The following RIMS2 variants were observed in gnomAD, a reference collection of about 807,000 sequenced individuals.
RIMS2 encodes the protein regulating synaptic membrane exocytosis 2, also known as regulating synaptic membrane exocytosis protein 2.
A neutral mutation model predicts 174.4 loss-of-function variants in RIMS2; 59 were observed. That is an observed-to-expected ratio of 0.34 (90% CI 0.27 to 0.42). RIMS2 has a LOEUF of 0.42. Among genes scored for constraint, RIMS2 ranks in the 10% least tolerant of loss-of-function variants. The pLI is 1.00. For missense variants in RIMS2, 1,620 were observed against 1,666.3 expected (o/e 0.97, Z 0.48); for synonymous variants, 606 against 572.5 (o/e 1.06, Z -0.84).
chr8:103,995,436 T>C (rs973622561), intron 17 of RIMS2, among the ~76,000 whole-genome samples: 2 of 151,926 alleles, frequency 1.3e-5, no homozygotes, highest in Non-Finnish European at 2.9e-5. Flanking sequence ...GCTTTAAAGA[T>C]TGAATAAGAT....
chr8:103,682,326 G>A (rs535839113), intron 1 of RIMS2, among the ~76,000 whole-genome samples: 1 of 152,140 alleles, frequency 6.6e-6, no homozygotes, highest in East Asian at 1.9e-4. Context: ...CTTGACCTGC[G>A]AAGGAGAAAG....
intron 11 of RIMS2, among the ~76,000 whole-genome samples, chr8:103,929,396 C>T (rs1225354269): frequency 2.6e-5 from 4 of 151,614 alleles, no homozygotes; most frequent in Non-Finnish European, 4.4e-5. Context: ...CTTAGTTTAA[C>T]CCCCCAAAAG....
At chr8:103,830,425 A>G (rs1287354236) in intron 3 of RIMS2, among the ~76,000 whole-genome samples, 1 of 152,128 alleles carries the variant, frequency 6.6e-6, no homozygotes, top group East Asian at 1.9e-4. Flanking sequence ...CTGGTGAGAG[A>G]AATATCTTAT....
At chr8:104,249,630 T>C (rs1223368612) in intron 22 of RIMS2, 42 bp downstream of exon 28, 2 of 1,147,982 alleles carry the variant, frequency 1.7e-6, no homozygotes, top group Non-Finnish European at 2.6e-6. Context: ...CCATAATCCA[T>C]ATTGTTTCAA....
At chr8:104,049,262 A>G (rs2096744858) in intron 19 of RIMS2, among the ~76,000 whole-genome samples, 1 of 152,044 alleles carries the variant, frequency 6.6e-6, no homozygotes, top group African/African-American at 2.4e-5. Flanking sequence ...CTCTACTAAA[A>G]ATACAAAAAA....
intron 3 of RIMS2, among the ~76,000 whole-genome samples, chr8:103,863,717 A>G (rs2099070231): frequency 6.6e-6 from 1 of 151,710 alleles, no homozygotes; most frequent in Admixed American, 6.6e-5. Context: ...TGTGGTTTGT[A>G]TGTGTACAGA....
intron 2 of RIMS2, among the ~76,000 whole-genome samples, chr8:103,756,971 GTGTGTGTC>G (rs1181052538): frequency 1.6e-4 from 19 of 122,108 alleles, no homozygotes; most frequent in African/African-American, 5.1e-4. Flanking sequence ...TCGTATGTGT[GTGTGTGTC>G]TGTGTGTGTG....
At chr8:104,228,531 A>C (rs556526838) in intron 19 of RIMS2, among the ~76,000 whole-genome samples, 1 of 152,334 alleles carries the variant, frequency 6.6e-6, no homozygotes, top group South Asian at 2.1e-4. Flanking sequence ...CTTAAAGTGC[A>C]AACATCATAC....
intron 19 of RIMS2, among the ~76,000 whole-genome samples, chr8:104,054,972 G>C (rs1209801193): frequency 6.6e-6 from 1 of 151,982 alleles, no homozygotes; most frequent in Admixed American, 6.6e-5. Context: ...TCCTCTCTCT[G>C]TATAGGAATC....
chr8:104,118,370 G>GTTTT (rs113018786), intron 19 of RIMS2, among the ~76,000 whole-genome samples: 1 of 136,492 alleles, frequency 7.3e-6, no homozygotes. Flanking sequence ...TTGTTTTTTT[G>GTTTT]TTTTTTTTTT....
intron 4 of RIMS2, among the ~76,000 whole-genome samples, chr8:103,899,727 G>T (rs2099316446): frequency 6.6e-6 from 1 of 151,678 alleles, no homozygotes; most frequent in South Asian, 2.1e-4. Context: ...AGTTTAATTA[G>T]ATCCTATTTG....
At chr8:103,922,384 A>G (rs963189725) in intron 10 of RIMS2, among the ~76,000 whole-genome samples, 21 of 152,030 alleles carry the variant, frequency 1.4e-4, no homozygotes, top group African/African-American at 4.6e-4. Flanking sequence ...TTAAATGTTC[A>G]TTTATGAATT....
At chr8:103,952,173 G>A (rs1029820519) in intron 14 of RIMS2, among the ~76,000 whole-genome samples, 7 of 152,168 alleles carry the variant, frequency 4.6e-5, no homozygotes, top group Non-Finnish European at 8.8e-5. Flanking sequence ...GGTTGGGGGC[G>A]CAGCTTCAGC....
intron 19 of RIMS2, among the ~76,000 whole-genome samples, chr8:104,177,247 T>C (rs2098907027): frequency 2.0e-5 from 3 of 152,148 alleles, no homozygotes; most frequent in African/African-American, 7.2e-5. Context: ...CAGAGTAATA[T>C]TAATTATGAA....
chr8:103,508,080 A>G (rs1038482226), intron 1 of RIMS2, among the ~76,000 whole-genome samples: 14 of 152,286 alleles, frequency 9.2e-5, no homozygotes, highest in Middle Eastern at 3.4e-3. Context: ...ATGGTGTCAC[A>G]TAGTTTTTCC....
chr8:104,124,101 T>C (rs1050263323), intron 19 of RIMS2, among the ~76,000 whole-genome samples: 5 of 152,198 alleles, frequency 3.3e-5, no homozygotes, highest in Admixed American at 6.5e-5. Context: ...TTTAAAGATA[T>C]GCAATCATGT....
chr8:103,547,186 TA>T (rs1845513660), intron 1 of RIMS2, among the ~76,000 whole-genome samples: 1 of 152,186 alleles, frequency 6.6e-6, no homozygotes. Flanking sequence ...TTTAGGAAAG[TA>T]AATTAAGAAA....
At chr8:104,120,022 A>G (rs780078889) in intron 19 of RIMS2, among the ~76,000 whole-genome samples, 6 of 152,214 alleles carry the variant, frequency 3.9e-5, no homozygotes, top group Non-Finnish European at 7.4e-5. Flanking sequence ...TCCTTATGCT[A>G]TAATAGAGAC....
chr8:103,839,135 A>G (rs2098924007), intron 3 of RIMS2, among the ~76,000 whole-genome samples: 1 of 152,142 alleles, frequency 6.6e-6, no homozygotes, highest in African/African-American at 2.4e-5. Context: ...TTTCCACGAA[A>G]TCCTTTTACA....
Sources: gnomAD v4.1 joint callset for allele counts (sites outside exome capture counted in the v4.1 genomes callset) on GRCh38, gnomAD v4.1.1 for gene constraint, MANE v1.5 for transcripts, NCBI Gene and HGNC (gene_info 2026-07-23, HGNC 2026-07-21) for gene names.